Variants in SH3GL2 observed in about 807,000 individuals in gnomAD.
SH3GL2 encodes SH3 domain containing GRB2 like 2, endophilin A1.
SH3GL2 carries 24 observed loss-of-function variants against 46.0 expected under a neutral mutation model. That is an observed-to-expected ratio of 0.52 (90% confidence interval 0.38 to 0.73). The LOEUF is 0.73. Ranked by LOEUF, SH3GL2 falls within the 30% of genes least tolerant of loss-of-function variation. The probability of loss-of-function intolerance (pLI) is 0.00; values close to 1 mark genes in which losing one functional copy is unlikely to be tolerated. For missense variants in SH3GL2, 413 were observed against 424.2 expected, an observed-to-expected ratio of 0.97 and a Z score of 0.23; for synonymous variants, 196 against 147.1, an observed-to-expected ratio of 1.33 and a Z score of -2.40.
rs1437192576 is a variant in SH3GL2 at position 17,793,546 on chromosome 9, T to C, written c.859+49T>C. On this transcript the variant is annotated intron_variant, in intron 8 of 8. Coordinates refer to ENST00000380607, the MANE Select transcript of SH3GL2 (RefSeq NM_003026.5). ...TATTGCATAGCCCTTGGCATATCCA[T>C]TGGCACTCTTCCAGAAATTTTAGGA... The C allele has an allele frequency of 3.8e-6, 6 of 1,580,936 alleles. No individual in the cohort carries two copies. The African/African-American group carries it at 6.9e-5, about 18-fold the overall frequency.
chr9:17,676,536 T>G (rs150500729), intron 1 of SH3GL2, among the ~76,000 whole-genome samples: 15,346 of 151,874 alleles, frequency 0.1, 987 homozygotes, highest in Admixed American at 0.19. Flanking sequence ...AACCCAGGAG[T>G]TGGAGGTTGC....
rs188464486 is a variant in SH3GL2, at chr9:17,662,945, G to C, written c.45+83658G>C. Among the ~76,000 whole-genome samples, 19 of 152,148 alleles carry C rather than the reference G, an allele frequency of 1.2e-4. No homozygotes were observed. In the East Asian group the frequency reaches 2.1e-3, roughly 17 times the overall value. Reference sequence around the variant, plus strand: ...AGGCTGGTCTCCAACTCCTGACCTCGTGATCTGCCCGCCTCCCAAAGTGCT... The same window carrying C: ...AGGCTGGTCTCCAACTCCTGACCTCCTGATCTGCCCGCCTCCCAAAGTGCT... On this transcript the variant is annotated intron_variant, in intron 1 of 8. Transcript: ENST00000380607.
At chr9:17,750,394 G>T in intron 2 of SH3GL2, among the ~76,000 whole-genome samples, 1 of 152,024 alleles carries the variant, frequency 6.6e-6, no homozygotes, top group East Asian at 1.9e-4. Flanking sequence ...GGTTTTCCTA[G>T]GGGTGTTTCT....
At chr9:17,632,203 C>G (rs1394962610) in intron 1 of SH3GL2, among the ~76,000 whole-genome samples, 5 of 151,898 alleles carry the variant, frequency 3.3e-5, no homozygotes, top group African/African-American at 7.3e-5. Flanking sequence ...AATCTTAGTA[C>G]CAAAAAAATA....
At chr9:17,725,737 G>T (rs1415695897) in intron 1 of SH3GL2, among the ~76,000 whole-genome samples, 1 of 152,134 alleles carries the variant, frequency 6.6e-6, no homozygotes, top group African/African-American at 2.4e-5. Flanking sequence ...CAGCCTTGCT[G>T]CACAAATGGG....
intron 1 of SH3GL2, among the ~76,000 whole-genome samples, chr9:17,645,151 C>CTTTTTTTTTT (rs57611978): frequency 1.5e-5 from 1 of 68,780 alleles, no homozygotes; most frequent in African/African-American, 6.5e-5. Flanking sequence ...GCAAACGCTG[C>CTTTTTTTTTT]TTTTTTTTTT....
At chr9:17,619,881 A>C (rs187696993) in intron 1 of SH3GL2, among the ~76,000 whole-genome samples, 12 of 152,128 alleles carry the variant, frequency 7.9e-5, no homozygotes, top group Non-Finnish European at 1.5e-4. Context: ...ATATACTGTG[A>C]AATGTACCAG....
intron 1 of SH3GL2, among the ~76,000 whole-genome samples, chr9:17,609,550 C>T (rs187211161): frequency 6.6e-6 from 1 of 152,178 alleles, no homozygotes; most frequent in East Asian, 1.9e-4. Flanking sequence ...AAAGTGAGCC[C>T]AGTATGGCTG....
chr9:17,738,986 G>C (rs577142729), intron 1 of SH3GL2, among the ~76,000 whole-genome samples: 1 of 152,198 alleles, frequency 6.6e-6, no homozygotes, highest in East Asian at 1.9e-4. Flanking sequence ...GTAGACTTGC[G>C]AAGTTGATGC....
chr9:17,624,165 G>T (rs1177846546), intron 1 of SH3GL2, among the ~76,000 whole-genome samples: 1 of 152,202 alleles, frequency 6.6e-6, no homozygotes, highest in Non-Finnish European at 1.5e-5. Flanking sequence ...TGCAATCTCA[G>T]TTGGAATATT....
intron 1 of SH3GL2, among the ~76,000 whole-genome samples, chr9:17,665,830 G>A (rs1025795152): frequency 1.3e-5 from 2 of 149,864 alleles, no homozygotes; most frequent in African/African-American, 4.9e-5. Flanking sequence ...ATCAAAGTGA[G>A]GGGAAAATAC....
At chr9:17,767,155 A>G (rs143441747) in intron 3 of SH3GL2, among the ~76,000 whole-genome samples, 6 of 152,342 alleles carry the variant, frequency 3.9e-5, no homozygotes, top group Admixed American at 6.5e-5. Flanking sequence ...TGTACACAGT[A>G]GGGGTTTGTT....
At chr9:17,623,891 T>C (rs1036846454) in intron 1 of SH3GL2, among the ~76,000 whole-genome samples, 11 of 152,196 alleles carry the variant, frequency 7.2e-5, no homozygotes, top group African/African-American at 2.7e-4. Flanking sequence ...AATTTAACAT[T>C]GATACAATTT....
intron 1 of SH3GL2, among the ~76,000 whole-genome samples, chr9:17,650,206 G>A (rs1005556638): frequency 1.3e-5 from 2 of 152,144 alleles, no homozygotes; most frequent in Non-Finnish European, 1.5e-5. Context: ...AAAAGTAAGT[G>A]AAATGTGAGT....
chr9:17,650,552 A>G (rs113716192), intron 1 of SH3GL2, among the ~76,000 whole-genome samples: 3,041 of 151,868 alleles, frequency 0.02, 51 homozygotes, highest in African/African-American at 0.042. Flanking sequence ...TTGTATTTTT[A>G]GTAGAGACAG....
rs536828087 is a variant in SH3GL2, at chr9:17,645,740, C to T, written c.45+66453C>T. Reference sequence around the variant, plus strand: ...CTCCTAGGGTTTCTGCTGAGAGATCCGCTGTTAGTCTGATGGGCTTCCCTT... The same window carrying T: ...CTCCTAGGGTTTCTGCTGAGAGATCTGCTGTTAGTCTGATGGGCTTCCCTT... On this transcript the variant is annotated intron_variant, in intron 1 of 8. Coordinates refer to ENST00000380607, the MANE Select transcript of SH3GL2 (RefSeq NM_003026.5). Among the ~76,000 whole-genome samples, 22 of 152,258 alleles carry T rather than the reference C, an allele frequency of 1.4e-4. 1 individual carries two copies. In the South Asian group the frequency reaches 1.7e-3, roughly 11 times the overall value.
chr9:17,642,856 T>G (rs4961443), intron 1 of SH3GL2, among the ~76,000 whole-genome samples: 79,599 of 152,006 alleles, frequency 0.52, 21,812 homozygotes, highest in Non-Finnish European at 0.62. Context: ...CATATGACAT[T>G]TAAAGTAGTT....
At chr9:17,693,394 A>G (rs1821129322) in intron 1 of SH3GL2, among the ~76,000 whole-genome samples, 1 of 152,182 alleles carries the variant, frequency 6.6e-6, no homozygotes, top group Admixed American at 6.6e-5. Flanking sequence ...ACAAAGATGA[A>G]CTAAATATCC....
chr9:17,664,582 CTT>C (rs1302633648), intron 1 of SH3GL2, among the ~76,000 whole-genome samples: 4 of 151,950 alleles, frequency 2.6e-5, no homozygotes, highest in Non-Finnish European at 5.9e-5. Flanking sequence ...TCATATCAAA[CTT>C]TTGAAAAACA....
Sources: allele counts gnomAD v4.1 joint callset (sites outside exome capture counted in the v4.1 genomes callset), GRCh38; gene constraint gnomAD v4.1.1; transcripts MANE v1.5; gene names NCBI Gene and HGNC (gene_info 2026-07-23, HGNC 2026-07-21).